LRRTM4: variants seen among roughly 807,000 people sequenced by gnomAD.
LRRTM4 encodes the protein leucine rich repeat transmembrane neuronal 4.
A neutral mutation model predicts 47.6 loss-of-function variants in LRRTM4; 25 were observed. The ratio of observed to expected loss-of-function variants is 0.53; its 90% CI spans 0.38 to 0.73. The LOEUF (loss-of-function observed/expected upper bound fraction) is 0.73. Ranked by LOEUF, LRRTM4 falls within the 30% of genes least tolerant of loss-of-function variation. The pLI is 0.00. For missense variants in LRRTM4, 638 were observed against 713.4 expected, an observed-to-expected ratio of 0.89 and a Z score of 1.20; for synonymous variants, 311 against 269.5, an observed-to-expected ratio of 1.15 and a Z score of -1.51.
chr2:76,919,849 C>A (rs536265511), intron 3 of LRRTM4, among the ~76,000 whole-genome samples: 3 of 152,246 alleles, frequency 2.0e-5, no homozygotes, highest in East Asian at 1.9e-4. Context: ...TATGACGGGT[C>A]TGTCTTCTTG....
intron 3 of LRRTM4, among the ~76,000 whole-genome samples, chr2:76,920,922 T>G (rs566643086): frequency 1.3e-5 from 2 of 152,206 alleles, no homozygotes; most frequent in South Asian, 2.1e-4. Flanking sequence ...AGTCTTAGAT[T>G]AACGGAAATT....
At chr2:77,343,300 C>T (rs1354960130) in intron 3 of LRRTM4, among the ~76,000 whole-genome samples, 2 of 151,838 alleles carry the variant, frequency 1.3e-5, no homozygotes, top group Non-Finnish European at 2.9e-5. Flanking sequence ...TTGGTCTTGT[C>T]ATAAAATAGA....
intron 3 of LRRTM4, among the ~76,000 whole-genome samples, chr2:77,429,620 T>C (rs1675276271): frequency 6.6e-6 from 1 of 152,152 alleles, no homozygotes; most frequent in Non-Finnish European, 1.5e-5. Context: ...AAATACCACA[T>C]AGTTTCACTT....
rs1425281591 is a variant in LRRTM4 at position 76,749,776 on chromosome 2, T to G, written c.1552-860A>C. Among the ~76,000 whole-genome samples the G allele has an allele frequency of 3.9e-5, 6 of 152,236 alleles. No individual in the cohort carries two copies. The South Asian group carries it at 1.2e-3, about 31-fold the overall frequency. ...AAATTTCTGATAAAGATAAATATAT[T>G]CCAAATTTAGGAAAAAGCAAATGAT... On this transcript the variant is annotated intron_variant, in intron 3 of 3. Coordinates refer to ENST00000409884, the MANE Select transcript of LRRTM4 (RefSeq NM_001134745.3).
At position 76,818,125 on chromosome 2, in the gene LRRTM4, T is replaced by G. The variant is rs181117531; in HGVS notation, c.1552-69209A>C. Among the ~76,000 whole-genome samples, 180 of 152,062 alleles carry G rather than the reference T, an allele frequency of 1.2e-3. 2 individuals are homozygous for G. The highest frequency in any genetic ancestry group is 3.9e-3 in the African/African-American group (164 of 41,534). ...ACAAAAGCTACAGTGAATTAGTCGT[T>G]GTAATATACATTTAAGCTGGTGACA... On this transcript the variant is annotated intron_variant, in intron 3 of 3. Coordinates refer to ENST00000409884, the MANE Select transcript of LRRTM4 (RefSeq NM_001134745.3).
chr2:76,981,822 T>C (rs1558776693), intron 3 of LRRTM4, among the ~76,000 whole-genome samples: 1 of 151,846 alleles, frequency 6.6e-6, no homozygotes, highest in East Asian at 1.9e-4. Context: ...TATTAAGAAA[T>C]AGTCTAGGCT....
At chr2:76,991,271 C>A (rs1676998956) in intron 3 of LRRTM4, among the ~76,000 whole-genome samples, 1 of 151,496 alleles carries the variant, frequency 6.6e-6, no homozygotes, top group Admixed American at 6.6e-5. Flanking sequence ...CCAAAGCTAA[C>A]AGAAGAAAAG....
At chr2:76,983,171 T>C (rs6716038) in intron 3 of LRRTM4, among the ~76,000 whole-genome samples, 1 of 151,996 alleles carries the variant, frequency 6.6e-6, no homozygotes, top group Non-Finnish European at 1.5e-5. Flanking sequence ...TACTGCATAG[T>C]TCAGTAACGT....
intron 3 of LRRTM4, among the ~76,000 whole-genome samples, chr2:77,035,069 G>GT (rs1240231896): frequency 2.6e-5 from 4 of 151,004 alleles, no homozygotes; most frequent in Non-Finnish European, 4.4e-5. Context: ...CTTAATTATT[G>GT]TTTTTTATTA....
intron 3 of LRRTM4, among the ~76,000 whole-genome samples, chr2:77,327,776 G>C (rs1467786210): frequency 1.3e-5 from 2 of 151,944 alleles, no homozygotes; most frequent in Non-Finnish European, 2.9e-5. Flanking sequence ...ACAATAGCTG[G>C]TGTGTAGAAA....
intron 3 of LRRTM4, among the ~76,000 whole-genome samples, chr2:77,469,265 C>A (rs1433353606): frequency 6.6e-6 from 1 of 152,206 alleles, no homozygotes; most frequent in Non-Finnish European, 1.5e-5. Context: ...CCTCTGAAAG[C>A]AGGGGCAGTG....
chr2:76,966,769 T>C (rs980087010), intron 3 of LRRTM4, among the ~76,000 whole-genome samples: 3 of 151,526 alleles, frequency 2.0e-5, no homozygotes, highest in African/African-American at 7.3e-5. Flanking sequence ...GCAATTCTTA[T>C]ACAACATTGT....
intron 3 of LRRTM4, among the ~76,000 whole-genome samples, chr2:77,071,306 T>C (rs1250739001): frequency 1.3e-5 from 2 of 152,178 alleles, no homozygotes; most frequent in East Asian, 1.9e-4. Context: ...CAAACCTATA[T>C]TCTTTTTGAT....
chr2:77,325,663 G>C (rs1670742215), intron 3 of LRRTM4, among the ~76,000 whole-genome samples: 1 of 151,970 alleles, frequency 6.6e-6, no homozygotes, highest in Admixed American at 6.6e-5. Context: ...TTACCCTTTT[G>C]GTTTGTTTGG....
chr2:77,153,201 A>T (rs1388653217), intron 3 of LRRTM4, among the ~76,000 whole-genome samples: 1 of 152,140 alleles, frequency 6.6e-6, no homozygotes, highest in Non-Finnish European at 1.5e-5. Context: ...TGAGCCTCCT[A>T]ACGAGGTACT....
intron 3 of LRRTM4, among the ~76,000 whole-genome samples, chr2:76,793,199 T>C (rs1329093484): frequency 6.6e-6 from 1 of 152,158 alleles, no homozygotes; most frequent in Admixed American, 6.5e-5. Flanking sequence ...ACTCTAGGTT[T>C]TACAGAAAAC....
At chr2:76,794,467 T>A (rs903618945) in intron 3 of LRRTM4, among the ~76,000 whole-genome samples, 1 of 152,198 alleles carries the variant, frequency 6.6e-6, no homozygotes, top group Non-Finnish European at 1.5e-5. Context: ...AATAGTTTTT[T>A]CTTTCTTTCA....
In LRRTM4 at chr2:77,517,726, C is replaced by T. The variant is rs1017384065; in HGVS notation, c.1551+592G>A. The T allele has an allele frequency of 1.8e-5, 18 of 984,104 alleles. No individual in the cohort carries two copies. In the African/African-American group the frequency reaches 3.0e-4, roughly 16 times the overall value. The allele number at this position is 984,104 out of a possible 1,614,324, so 61.0% of individuals were successfully genotyped here. On this transcript the variant is annotated intron_variant, in intron 3 of 3. Transcript: ENST00000409884. ...AAAAAAAAGAAAGAAGCCTTAGGAGCCTGATACAATTACACAGTAGGCCTC... is the reference window on the plus strand; with the variant it reads ...AAAAAAAAGAAAGAAGCCTTAGGAGTCTGATACAATTACACAGTAGGCCTC...
chr2:77,446,563 T>C (rs1676060703), intron 3 of LRRTM4, among the ~76,000 whole-genome samples: 3 of 152,128 alleles, frequency 2.0e-5, no homozygotes, highest in Admixed American at 6.6e-5. Context: ...ATTAGCCCTT[T>C]GTGGGGCCTA....
Sources: gnomAD v4.1 joint callset for allele counts (sites outside exome capture counted in the v4.1 genomes callset) on GRCh38, gnomAD v4.1.1 for gene constraint, MANE v1.5 for transcripts, NCBI Gene and HGNC (gene_info 2026-07-23, HGNC 2026-07-21) for gene names.